Variants in ATP6V1H observed in about 807,000 individuals in gnomAD.
The protein encoded by ATP6V1H is V-type proton ATPase subunit H.
In ATP6V1H, 39 loss-of-function variants were observed where a neutral mutation model predicts 71.7. That is an observed-to-expected ratio of 0.54 (90% confidence interval 0.42 to 0.71). The LOEUF is 0.71. Among genes scored for constraint, ATP6V1H ranks in the 30% least tolerant of loss-of-function variants. The pLI, the probability that ATP6V1H is intolerant of heterozygous loss-of-function variation, is 0.00. For missense variants in ATP6V1H, 509 were observed against 594.9 expected, an observed-to-expected ratio of 0.86 and a Z score of 1.50; for synonymous variants, 192 against 199.3, an observed-to-expected ratio of 0.96 and a Z score of 0.31.
At chr8:53,755,687 TATATA>T (rs1807991656) in intron 12 of ATP6V1H, among the ~76,000 whole-genome samples, 21 of 3,018 alleles carry the variant, frequency 7.0e-3, no homozygotes, top group Non-Finnish European at 0.012. Context: ...CCAGCGTACA[TATATA>T]TATATATATA....
At chr8:53,837,144 A>T (rs1194753739) in intron 2 of ATP6V1H, among the ~76,000 whole-genome samples, 1 of 142,736 alleles carries the variant, frequency 7.0e-6, no homozygotes, top group African/African-American at 2.6e-5. Context: ...TCCATCTCAT[A>T]AAAAAAAAAA....
chr8:53,829,408 A>G, intron 4 of ATP6V1H, 36 bp downstream of exon 4: 1 of 1,420,770 alleles, frequency 7.0e-7, no homozygotes, highest in Non-Finnish European at 9.9e-7. Context: ...CAAAAAAATG[A>G]AGTCACCAAA....
chr8:53,723,211 T>G (rs1259389757), intron 13 of ATP6V1H, among the ~76,000 whole-genome samples: 1 of 152,148 alleles, frequency 6.6e-6, no homozygotes, highest in Non-Finnish European at 1.5e-5. Flanking sequence ...TTTTGTTTGG[T>G]AACTAAGAAT....
At chr8:53,822,343 A>C (rs1267411931) in intron 4 of ATP6V1H, among the ~76,000 whole-genome samples, 1 of 152,158 alleles carries the variant, frequency 6.6e-6, no homozygotes. Context: ...TAGAATAATA[A>C]TATATAAATG....
intron 12 of ATP6V1H, among the ~76,000 whole-genome samples, chr8:53,745,964 T>C (rs1807587337): frequency 6.6e-6 from 1 of 152,170 alleles, no homozygotes; most frequent in South Asian, 2.1e-4. Context: ...AAATTCACAA[T>C]TCTGGAACCT....
At chr8:53,757,726 G>A (rs1169651121) in intron 11 of ATP6V1H, among the ~76,000 whole-genome samples, 1 of 152,130 alleles carries the variant, frequency 6.6e-6, no homozygotes, top group East Asian at 1.9e-4. Flanking sequence ...CAGCTCAAAT[G>A]TCATCTCTTG....
At chr8:53,768,214 A>C (rs1411289716) in intron 11 of ATP6V1H, among the ~76,000 whole-genome samples, 2 of 152,198 alleles carry the variant, frequency 1.3e-5, no homozygotes, top group Non-Finnish European at 2.9e-5. Flanking sequence ...AGGAAATACA[A>C]ATAGACACCA....
chr8:53,743,368 A>C (rs1388514244), intron 13 of ATP6V1H, among the ~76,000 whole-genome samples: 1 of 148,786 alleles, frequency 6.7e-6, no homozygotes, highest in Non-Finnish European at 1.5e-5. Flanking sequence ...TATTATTTTG[A>C]ATATACACTC....
rs544561516 is a variant in ATP6V1H at position 53,721,916 on chromosome 8, G to GAAAA, written c.1392-5896_1392-5893dup. Among the ~76,000 whole-genome samples the GAAAA allele has an allele frequency of 2.2e-3, 342 of 152,186 alleles. 2 individuals carry two copies. Among genetic ancestry groups the GAAAA allele is most frequent in the African/African-American group, 8.0e-3 (332 of 41,536 alleles). Reference sequence around the variant, plus strand: ...AGAGGTGATCCATGAAATTAAAAAGGAAAAAGAGATCAGTGATTCTAAAAG... The same window carrying GAAAA: ...AGAGGTGATCCATGAAATTAAAAAGGAAAAAAAAAGAGATCAGTGATTCTAAAAG... On this transcript the variant is annotated intron_variant, in intron 13 of 13. Transcript: ENST00000359530.
intron 7 of ATP6V1H, among the ~76,000 whole-genome samples, chr8:53,809,875 T>C (rs943202512): frequency 2.0e-5 from 3 of 152,200 alleles, no homozygotes; most frequent in Non-Finnish European, 2.9e-5. Flanking sequence ...CAGCCCACCA[T>C]GGCCCCAGGA....
At chr8:53,801,091 A>G (rs897369416) in intron 8 of ATP6V1H, among the ~76,000 whole-genome samples, 3 of 152,240 alleles carry the variant, frequency 2.0e-5, no homozygotes, top group African/African-American at 7.2e-5. Flanking sequence ...ACTGACTGAA[A>G]AGACCTAGAA....
chr8:53,805,848 T>C (rs1405809537), intron 7 of ATP6V1H, among the ~76,000 whole-genome samples: 4 of 152,194 alleles, frequency 2.6e-5, no homozygotes, highest in African/African-American at 9.6e-5. Context: ...ATGAATTTCA[T>C]AGACACAATA....
chr8:53,801,819 C>T lies in ATP6V1H; in HGVS notation c.657G>A (p.Val219=). Residue 219 remains valine (V), a synonymous_variant, in exon 8 of 14, where the codon GTG becomes GTA. Transcript: ENST00000359530. ...LRVNEYRFAW[V]EADGVNCIMG... is the part of the protein sequence containing the mutation. Reference sequence around the variant, plus strand: ...CTCACCAATTTACCCCATCTGCTTCCACCCAAGCAAAGCGGTACTCATTGA... The same window carrying T: ...CTCACCAATTTACCCCATCTGCTTCTACCCAAGCAAAGCGGTACTCATTGA... The T allele has an allele frequency of 6.2e-7, 1 of 1,613,934 alleles. No homozygotes were observed. Among genetic ancestry groups the T allele is most frequent in the Non-Finnish European group, 8.5e-7 (1 of 1,179,906 alleles).
chr8:53,805,053 G>A (rs892126893), intron 7 of ATP6V1H, among the ~76,000 whole-genome samples: 4 of 152,060 alleles, frequency 2.6e-5, no homozygotes, highest in Admixed American at 6.5e-5. Context: ...TGCAATAAAC[G>A]AAACATAAAA....
At chr8:53,762,637 G>A (rs1334822457) in intron 11 of ATP6V1H, among the ~76,000 whole-genome samples, 1 of 151,914 alleles carries the variant, frequency 6.6e-6, no homozygotes, top group Non-Finnish European at 1.5e-5. Context: ...AATAGATGAT[G>A]GAATAGAACA....
chr8:53,765,458 CACA>C (rs1384941701), intron 11 of ATP6V1H, among the ~76,000 whole-genome samples: 1 of 8,464 alleles, frequency 1.2e-4, no homozygotes, highest in African/African-American at 1.4e-4. Context: ...AACAACAACA[CACA>C]CACACACACA....
At chr8:53,755,322 T>C (rs1480600355) in intron 12 of ATP6V1H, among the ~76,000 whole-genome samples, 2 of 152,078 alleles carry the variant, frequency 1.3e-5, no homozygotes, top group East Asian at 1.9e-4. Context: ...CACTATTTTT[T>C]AACCATCCCT....
Position 53,827,332 on chromosome 8 carries a change from G to A in ATP6V1H, c.306+2112C>T, listed in dbSNP as rs1425584719. ...CAGGGGGCAGAGGTTGCAGCGAGCCGAGATCACGCCACTACACTCCAGCAT... is the reference window on the plus strand; with the variant it reads ...CAGGGGGCAGAGGTTGCAGCGAGCCAAGATCACGCCACTACACTCCAGCAT... On this transcript the variant is annotated intron_variant, in intron 4 of 13. Coordinates refer to ENST00000359530, the MANE Select transcript of ATP6V1H (RefSeq NM_015941.4). Among the ~76,000 whole-genome samples the A allele has an allele frequency of 4.0e-5, 6 of 151,890 alleles. No individual in the cohort carries two copies. The East Asian group carries it at 1.2e-3, about 29-fold the overall frequency.
At chr8:53,836,411 T>C (rs1245637909) in intron 2 of ATP6V1H, among the ~76,000 whole-genome samples, 1 of 152,196 alleles carries the variant, frequency 6.6e-6, no homozygotes, top group Non-Finnish European at 1.5e-5. Flanking sequence ...TCCCTAACCT[T>C]TTTCTTTCCT....
Sources: allele counts gnomAD v4.1 joint callset (sites outside exome capture counted in the v4.1 genomes callset), GRCh38; gene constraint gnomAD v4.1.1; transcripts MANE v1.5; gene names NCBI Gene and HGNC (gene_info 2026-07-23, HGNC 2026-07-21).